KCNJ6: variants seen among roughly 807,000 people sequenced by gnomAD.
The protein encoded by KCNJ6 is G protein-activated inward rectifier potassium channel 2.
In KCNJ6, 9 loss-of-function variants were observed where a neutral mutation model predicts 34.2. That is an observed-to-expected ratio of 0.26 (90% CI 0.16 to 0.46). The LOEUF (loss-of-function observed/expected upper bound fraction) is 0.46, where lower values mean the gene tolerates loss of function less well. Among genes scored for constraint, KCNJ6 ranks in the 20% least tolerant of loss-of-function variants. The pLI is 1.00. For missense variants in KCNJ6, 236 were observed against 531.3 expected (o/e 0.44, Z 5.46); for synonymous variants, 196 against 207.1 (o/e 0.95, Z 0.46).
At chr21:37,672,134 GGT>G (rs2054545110) in intron 3 of KCNJ6, among the ~76,000 whole-genome samples, 1 of 152,080 alleles carries the variant, frequency 6.6e-6, no homozygotes, top group Admixed American at 6.5e-5. Context: ...ATCTCTTAAG[GGT>G]GATCCCTGCT....
rs1210101081 is a variant in KCNJ6 at position 37,623,602 on chromosome 21, C to T, written c.*1557G>A. The T allele has an allele frequency of 1.3e-5, 2 of 151,896 alleles. No individual in the cohort carries two copies. The highest frequency in any genetic ancestry group is 3.9e-4 in the East Asian group (2 of 5,186). 9.4% of individuals were successfully genotyped at this position (151,896 alleles called of 1,614,324 possible). A position where few individuals can be genotyped will look rare whatever the true frequency, so the allele number is the denominator to read the frequency against. ...AATTCAGATTTCCAGTACAAATACC[C>T]TTCCTTCCTTCCTTCCTTCCTCCCT... is the stretch of plus-strand genomic sequence containing the variant. On this transcript the variant is annotated 3_prime_UTR_variant, in exon 4 of 4. Coordinates refer to ENST00000609713, the MANE Select transcript of KCNJ6 (RefSeq NM_002240.5).
intron 3 of KCNJ6, among the ~76,000 whole-genome samples, chr21:37,708,317 T>A (rs1289269575): frequency 6.6e-6 from 1 of 152,174 alleles, no homozygotes; most frequent in Non-Finnish European, 1.5e-5. Context: ...CAAAATCCAA[T>A]TGTTAAGACA....
At chr21:37,824,811 T>G (rs1318492880) in intron 2 of KCNJ6, among the ~76,000 whole-genome samples, 2 of 152,002 alleles carry the variant, frequency 1.3e-5, no homozygotes, top group Non-Finnish European at 2.9e-5. Flanking sequence ...ATTAAACCTC[T>G]TTTCTTTATA....
chr21:37,728,912 G>A (rs145809530), intron 2 of KCNJ6, among the ~76,000 whole-genome samples: 95 of 152,236 alleles, frequency 6.2e-4, no homozygotes, highest in African/African-American at 1.7e-3. Context: ...GCCCATCAGC[G>A]ACTGGTGATA....
chr21:37,672,269 C>G (rs1264452806), intron 3 of KCNJ6, among the ~76,000 whole-genome samples: 2 of 151,996 alleles, frequency 1.3e-5, no homozygotes, highest in African/African-American at 4.8e-5. Flanking sequence ...AGGAAGGAAG[C>G]TTCTCTTTTC....
At chr21:37,895,691 T>C (rs1320518866) in intron 1 of KCNJ6, among the ~76,000 whole-genome samples, 1 of 152,182 alleles carries the variant, frequency 6.6e-6, no homozygotes, top group Non-Finnish European at 1.5e-5. Flanking sequence ...AAGAGGAACA[T>C]TGGAATGAAG....
chr21:37,814,032 GT>G (rs1340564989), intron 2 of KCNJ6, among the ~76,000 whole-genome samples: 2 of 152,160 alleles, frequency 1.3e-5, no homozygotes, highest in African/African-American at 4.8e-5. Context: ...ACCAGAATAT[GT>G]AAGGAGCTCA....
chr21:37,786,877 G>A (rs949862461), intron 2 of KCNJ6, among the ~76,000 whole-genome samples: 1 of 152,150 alleles, frequency 6.6e-6, no homozygotes, highest in African/African-American at 2.4e-5. Flanking sequence ...AGTAAACCAT[G>A]GCTTCAAGTT....
intron 2 of KCNJ6, among the ~76,000 whole-genome samples, chr21:37,771,281 G>A (rs564407474): frequency 4.1e-4 from 62 of 152,158 alleles, no homozygotes; most frequent in Non-Finnish European, 8.2e-4. Context: ...CTTTGAGTGT[G>A]AGAGATTATC....
chr21:37,836,042 C>T (rs12106373), intron 2 of KCNJ6, among the ~76,000 whole-genome samples: 2 of 151,884 alleles, frequency 1.3e-5, no homozygotes, highest in African/African-American at 2.4e-5. Context: ...AAAATTTACA[C>T]GAAAAAAACA....
intron 1 of KCNJ6, among the ~76,000 whole-genome samples, chr21:37,892,255 A>G (rs1478283211): frequency 1.3e-5 from 2 of 152,224 alleles, no homozygotes. Flanking sequence ...GGGGCATCCC[A>G]ATACAGCAGT....
intron 3 of KCNJ6, among the ~76,000 whole-genome samples, chr21:37,660,452 G>GA (rs1349054925): frequency 6.6e-6 from 1 of 152,186 alleles, no homozygotes; most frequent in Non-Finnish European, 1.5e-5. Flanking sequence ...GCCCAGCTGT[G>GA]AGGTTCTGAA....
chr21:37,776,223 C>G (rs1346712113), intron 2 of KCNJ6, among the ~76,000 whole-genome samples: 9 of 152,178 alleles, frequency 5.9e-5, no homozygotes, highest in African/African-American at 1.9e-4. Flanking sequence ...GCTGAAGTTG[C>G]TTATCAGCTT....
chr21:37,799,197 T>A (rs143680882), intron 2 of KCNJ6, among the ~76,000 whole-genome samples: 12 of 152,286 alleles, frequency 7.9e-5, no homozygotes, highest in Non-Finnish European at 1.3e-4. Flanking sequence ...CCTGCATTAG[T>A]TTGCTAAGGA....
intron 1 of KCNJ6, among the ~76,000 whole-genome samples, chr21:37,907,080 G>A (rs978920062): frequency 1.3e-5 from 2 of 152,204 alleles, no homozygotes; most frequent in Non-Finnish European, 2.9e-5. Context: ...TGCCTAACTC[G>A]TCATGGAGTC....
At chr21:37,700,535 A>G (rs867574456) in intron 3 of KCNJ6, among the ~76,000 whole-genome samples, 22 of 152,282 alleles carry the variant, frequency 1.4e-4, no homozygotes, top group Middle Eastern at 6.8e-3. Context: ...TTATGTTACA[A>G]AGTTTATTCT....
At chr21:37,705,226 T>G (rs1281764456) in intron 3 of KCNJ6, among the ~76,000 whole-genome samples, 1 of 152,178 alleles carries the variant, frequency 6.6e-6, no homozygotes, top group Non-Finnish European at 1.5e-5. Context: ...ATAGGATTTG[T>G]GTAGGCTCCT....
At chr21:37,793,982 A>G (rs2055229436) in intron 2 of KCNJ6, among the ~76,000 whole-genome samples, 1 of 152,252 alleles carries the variant, frequency 6.6e-6, no homozygotes. Context: ...ATTACTTTTC[A>G]AACTTTTTTG....
intron 3 of KCNJ6, among the ~76,000 whole-genome samples, chr21:37,648,647 A>G (rs2054416637): frequency 6.6e-6 from 1 of 152,158 alleles, no homozygotes; most frequent in Non-Finnish European, 1.5e-5. Context: ...TTCTCTTGGA[A>G]TAGACAGTCT....
Sources: gnomAD v4.1 joint callset for allele counts (sites outside exome capture counted in the v4.1 genomes callset) on GRCh38, gnomAD v4.1.1 for gene constraint, MANE v1.5 for transcripts, NCBI Gene and HGNC (gene_info 2026-07-23, HGNC 2026-07-21) for gene names.